FAT3: variants seen among roughly 807,000 people sequenced by gnomAD.
FAT3 encodes protocadherin Fat 3.
Under a neutral mutation model 310.2 loss-of-function variants are expected in FAT3, and 95 were observed. That is an observed-to-expected ratio of 0.31 (90% confidence interval 0.26 to 0.36). The LOEUF is 0.36. Ranked by LOEUF, FAT3 falls within the 10% of genes least tolerant of loss-of-function variation. The pLI is 1.00. For missense variants in FAT3, 5,408 were observed against 5,715.6 expected, an observed-to-expected ratio of 0.95 and a Z score of 1.74; for synonymous variants, 2,314 against 2,192.9, an observed-to-expected ratio of 1.06 and a Z score of -1.54.
At chr11:92,312,135 G>A (rs1565218437) in intron 1 of FAT3, among the ~76,000 whole-genome samples, 1 of 152,164 alleles carries the variant, frequency 6.6e-6, no homozygotes, top group Non-Finnish European at 1.5e-5. Context: ...TACAAAATCA[G>A]TGACTCTCAA....
intron 1 of FAT3, among the ~76,000 whole-genome samples, chr11:92,236,987 C>G (rs572586452): frequency 2.6e-5 from 4 of 151,568 alleles, no homozygotes; most frequent in African/African-American, 9.7e-5. Context: ...ATGTAAATCC[C>G]GTTTTTTCCC....
intron 4 of FAT3, among the ~76,000 whole-genome samples, chr11:92,705,468 T>G (rs1944263149): frequency 9.6e-6 from 1 of 103,956 alleles, no homozygotes; most frequent in African/African-American, 3.8e-5. Context: ...GTGATGGTGG[T>G]GGTGGTGTGA....
Position 92,798,790 on chromosome 11 carries a change from G to C in FAT3, c.5777G>C (p.Ser1926Thr), listed in dbSNP as rs1242313893. The change falls in exon 10 of 28, where the codon AGT becomes ACT. Residue 1926 changes from serine to threonine, a missense_variant. This residue lies in a region of FAT3 where 4,588 missense variants were observed against 4,809.8 expected (regional missense o/e 0.95). Coordinates refer to ENST00000525166, the MANE Select transcript of FAT3 (RefSeq NM_001367949.2). ...CTGACATACAGCCTAATGGAAGGCA[G>C]TTTGGATCATTTTTTAATTGACTCA... ...PELTYSLMEG[S>T]LDHFLIDSNS... 2 of 1,613,814 alleles carry C rather than the reference G, an allele frequency of 1.2e-6. No homozygotes were observed. The highest frequency in any genetic ancestry group is 2.2e-5 in the South Asian group (2 of 91,066).
At chr11:92,280,758 A>G (rs1946399087) in intron 1 of FAT3, among the ~76,000 whole-genome samples, 1 of 152,158 alleles carries the variant, frequency 6.6e-6, no homozygotes, top group African/African-American at 2.4e-5. Flanking sequence ...TCCCTCACCC[A>G]GCACACATAT....
chr11:92,844,021 A>G lies in FAT3; in HGVS notation c.10654A>G (p.Ile3552Val). ...IEESTHKPTA[I>V]PLEIFIVTME... The stretch of plus-strand genomic sequence containing the variant: ...GGAAAGCACCCACAAGCCCACAGCC[A>G]TTCCCCTGGAAATTTTCATTGTCAC... Residue 3552 changes from isoleucine to valine, a missense_variant, in exon 19 of 28, where the codon ATT becomes GTT. This residue lies in a region of FAT3 where 4,588 missense variants were observed against 4,809.8 expected (regional missense o/e 0.95). Coordinates refer to ENST00000525166, the MANE Select transcript of FAT3 (RefSeq NM_001367949.2). 2 of 1,613,994 alleles carry G rather than the reference A, an allele frequency of 1.2e-6. No homozygotes were observed. The highest frequency in any genetic ancestry group is 1.7e-6 in the Non-Finnish European group (2 of 1,179,892).
intron 2 of FAT3, among the ~76,000 whole-genome samples, chr11:92,458,703 A>G (rs1248297296): frequency 6.6e-6 from 1 of 152,140 alleles, no homozygotes; most frequent in Non-Finnish European, 1.5e-5. Flanking sequence ...TGACATTTTT[A>G]CATGGTGAGC....
intron 7 of FAT3, among the ~76,000 whole-genome samples, chr11:92,775,851 A>T (rs1424404334): frequency 6.6e-6 from 1 of 152,190 alleles, no homozygotes; most frequent in Non-Finnish European, 1.5e-5. Context: ...ATGATAAATT[A>T]TATGGTCACC....
intron 9 of FAT3, among the ~76,000 whole-genome samples, chr11:92,794,500 C>G (rs1450052812): frequency 6.6e-6 from 1 of 152,166 alleles, no homozygotes; most frequent in Non-Finnish European, 1.5e-5. Flanking sequence ...AAGCCTGCTA[C>G]TTATACTCCT....
At chr11:92,542,849 G>A (rs950217695) in intron 3 of FAT3, among the ~76,000 whole-genome samples, 7 of 151,878 alleles carry the variant, frequency 4.6e-5, no homozygotes, top group Non-Finnish European at 7.4e-5. Context: ...AAATGAAATC[G>A]GTATATTGAA....
chr11:92,688,030 CAA>C (rs1168810709), intron 3 of FAT3, among the ~76,000 whole-genome samples: 6 of 137,600 alleles, frequency 4.4e-5, no homozygotes, highest in Non-Finnish European at 4.8e-5. Flanking sequence ...ACATCTCTAC[CAA>C]AAAAAAAAAA....
chr11:92,244,504 G>T (rs1864812972), intron 1 of FAT3, among the ~76,000 whole-genome samples: 1 of 152,074 alleles, frequency 6.6e-6, no homozygotes, highest in South Asian at 2.1e-4. Context: ...AGAAATATCT[G>T]GTAGTTGGAA....
chr11:92,475,469 T>C (rs1376385986), intron 2 of FAT3, among the ~76,000 whole-genome samples: 1 of 151,766 alleles, frequency 6.6e-6, no homozygotes, highest in Non-Finnish European at 1.5e-5. Flanking sequence ...GGTGAAACAG[T>C]TCAAAAGAAC....
intron 2 of FAT3, among the ~76,000 whole-genome samples, chr11:92,499,723 ATGTGTGTGTGTG>A (rs61267708): frequency 9.4e-5 from 12 of 127,746 alleles, no homozygotes; most frequent in Non-Finnish European, 1.7e-4. Flanking sequence ...ATGTGTGTGT[ATGTGTGTGTGTG>A]TGTGTGTGTG....
intron 1 of FAT3, among the ~76,000 whole-genome samples, chr11:92,342,737 A>G (rs1948298293): frequency 6.6e-6 from 1 of 152,074 alleles, no homozygotes; most frequent in Non-Finnish European, 1.5e-5. Context: ...TTCTTTTTTA[A>G]AAATCGTAAG....
intron 3 of FAT3, among the ~76,000 whole-genome samples, chr11:92,623,406 A>G (rs1283134097): frequency 6.6e-6 from 1 of 152,218 alleles, no homozygotes; most frequent in Non-Finnish European, 1.5e-5. Context: ...ATATGCTATT[A>G]AGTTAGAATT....
chr11:92,252,589 G>T (rs1591009912), intron 1 of FAT3, among the ~76,000 whole-genome samples: 1 of 152,120 alleles, frequency 6.6e-6, no homozygotes, highest in African/African-American at 2.4e-5. Context: ...TTACTTGGCT[G>T]CAAGCACTGT....
chr11:92,552,279 TTAAAA>T (rs1263105970), intron 3 of FAT3, among the ~76,000 whole-genome samples: 1 of 152,158 alleles, frequency 6.6e-6, no homozygotes, highest in Non-Finnish European at 1.5e-5. Context: ...TCTTTCTCTC[TTAAAA>T]TAAAGATTTG....
At chr11:92,581,916 G>T (rs1938823544) in intron 3 of FAT3, among the ~76,000 whole-genome samples, 1 of 152,058 alleles carries the variant, frequency 6.6e-6, no homozygotes, top group African/African-American at 2.4e-5. Flanking sequence ...ATAGAGTAAA[G>T]TGAAAGCAAG....
intron 3 of FAT3, among the ~76,000 whole-genome samples, chr11:92,622,824 A>T (rs3911562): frequency 0.26 from 39,833 of 152,084 alleles, 5,992 homozygotes; most frequent in Non-Finnish European, 0.33. Flanking sequence ...GCCTGAAATG[A>T]TGCTCTTCTT....
Sources: gnomAD v4.1 joint callset for allele counts (sites outside exome capture counted in the v4.1 genomes callset) on GRCh38, gnomAD v4.1.1 for gene constraint, gnomAD v4.1.1 regional missense constraint, MANE v1.5 for transcripts, NCBI Gene and HGNC (gene_info 2026-07-23, HGNC 2026-07-21) for gene names.